TBC1D4: variants seen among roughly 807,000 people sequenced by gnomAD.
The protein encoded by TBC1D4 is TBC (Tre-2, BUB2, CDC16) domain-containing protein.
TBC1D4 carries 121 observed loss-of-function variants against 142.5 expected under a neutral mutation model. The observed-to-expected ratio is 0.85, with a 90% confidence interval of 0.73 to 0.99. The LOEUF is 0.99. TBC1D4 is among the 50% of genes least tolerant of loss of function. The probability of loss-of-function intolerance (pLI) is 0.00; values close to 1 mark genes in which losing one functional copy is unlikely to be tolerated. For synonymous variants in TBC1D4, 630 were observed against 628.2 expected, an observed-to-expected ratio of 1.00 and a Z score of -0.04; for missense variants, 1,475 against 1,606.6, an observed-to-expected ratio of 0.92 and a Z score of 1.40.
At chr13:75,418,165 A>C (rs1886000509) in intron 1 of TBC1D4, among the ~76,000 whole-genome samples, 1 of 152,246 alleles carries the variant, frequency 6.6e-6, no homozygotes, top group African/African-American at 2.4e-5. Flanking sequence ...TGATTCATTT[A>C]AAATTAAGGT....
chr13:75,398,609 G>C (rs1884922451), intron 1 of TBC1D4, among the ~76,000 whole-genome samples: 1 of 152,182 alleles, frequency 6.6e-6, no homozygotes. Flanking sequence ...AAGTATGGGA[G>C]AAGCAAGACA....
chr13:75,370,380 CA>C (rs1289483059), intron 1 of TBC1D4, among the ~76,000 whole-genome samples: 9 of 152,152 alleles, frequency 5.9e-5, no homozygotes, highest in African/African-American at 1.9e-4. Flanking sequence ...AAGTTGCTTT[CA>C]AAAGAACCCT....
chr13:75,368,097 C>A (rs946726266), intron 1 of TBC1D4, among the ~76,000 whole-genome samples: 42 of 152,148 alleles, frequency 2.8e-4, no homozygotes, highest in African/African-American at 9.9e-4. Flanking sequence ...CTAAATTATT[C>A]TTTAAAGCAA....
At chr13:75,405,888 A>C (rs1885315704) in intron 1 of TBC1D4, among the ~76,000 whole-genome samples, 1 of 152,190 alleles carries the variant, frequency 6.6e-6, no homozygotes, top group Admixed American at 6.5e-5. Flanking sequence ...ATAATCCTTC[A>C]CTTATCTTTT....
chr13:75,371,316 T>C (rs1055069951), intron 1 of TBC1D4, among the ~76,000 whole-genome samples: 1 of 152,104 alleles, frequency 6.6e-6, no homozygotes, highest in African/African-American at 2.4e-5. Flanking sequence ...GGGAAATCAA[T>C]GATTTCAAGA....
chr13:75,325,490 A>G (rs1879155709), intron 10 of TBC1D4, among the ~76,000 whole-genome samples: 1 of 152,294 alleles, frequency 6.6e-6, no homozygotes, highest in East Asian at 1.9e-4. Context: ...AAGAAGAGAA[A>G]CAAAATGAGT....
At chr13:75,340,684 T>C (rs569193847) in intron 7 of TBC1D4, among the ~76,000 whole-genome samples, 7 of 152,222 alleles carry the variant, frequency 4.6e-5, no homozygotes, top group African/African-American at 1.7e-4. Context: ...CAGTGGCTCA[T>C]GCCTGTAATC....
At chr13:75,478,072 G>C (rs1427267266) in intron 1 of TBC1D4, among the ~76,000 whole-genome samples, 11 of 152,136 alleles carry the variant, frequency 7.2e-5, no homozygotes, top group Admixed American at 7.2e-4. Flanking sequence ...ACATCACTGT[G>C]GCAACTCCCC....
intron 1 of TBC1D4, among the ~76,000 whole-genome samples, chr13:75,472,421 A>C (rs1372206200): frequency 6.6e-6 from 1 of 152,274 alleles, no homozygotes; most frequent in South Asian, 2.1e-4. Context: ...TCCGTCTCAG[A>C]GAAAAAAAAT....
At chr13:75,388,930 GGTTT>G (rs538721158) in intron 1 of TBC1D4, among the ~76,000 whole-genome samples, 115 of 152,268 alleles carry the variant, frequency 7.6e-4, no homozygotes, top group Non-Finnish European at 1.2e-3. Context: ...CCAGTTTATT[GGTTT>G]GTGTAGCCTT....
intron 5 of TBC1D4, among the ~76,000 whole-genome samples, chr13:75,348,954 A>AGAGAGT (rs969343152): frequency 1.6e-4 from 22 of 139,084 alleles, no homozygotes; most frequent in African/African-American, 6.1e-4. Flanking sequence ...AGAGAGAGAG[A>AGAGAGT]GTGTGTGTGT....
At chr13:75,357,442 C>G (rs56029947) in intron 3 of TBC1D4, among the ~76,000 whole-genome samples, 3,593 of 152,256 alleles carry the variant, frequency 0.024, 127 homozygotes, top group African/African-American at 0.074. Flanking sequence ...TCCTCATCTG[C>G]TTTCCTCTGG....
rs1250113499 is a variant in TBC1D4 at position 75,481,559 on chromosome 13, T to A, written c.209A>T (p.Glu70Val). The change falls in exon 1 of 21, where the codon GAG (glutamate) becomes GTG (valine). Residue 70 changes from glutamate (E) to valine (V), a missense_variant. Glu to Val is a moderately radical substitution (Grantham distance 121, BLOSUM62 -2). This residue lies in a region of TBC1D4 where 1,227 missense variants were observed against 1,267.7 expected (regional missense o/e 0.97). Transcript: ENST00000377636. ...CGCCGGCGCCCCGCAGCCGCCCGCC[T>A]CGGGCTTCTGGCTGCGCCTGCGGAT... ...AEIRRRSQKP[E>V]AGGCGAPAAR... 6.3e-7 allele frequency: 1 copy of A among 1,597,490 alleles called. No homozygotes were observed. The highest frequency in any genetic ancestry group is 8.5e-7 in the Non-Finnish European group (1 of 1,172,260).
At chr13:75,394,768 T>A (rs1042822814) in intron 1 of TBC1D4, among the ~76,000 whole-genome samples, 2 of 152,252 alleles carry the variant, frequency 1.3e-5, no homozygotes, top group African/African-American at 2.4e-5. Flanking sequence ...TTGGCAATGA[T>A]TCTGAGCACT....
chr13:75,481,206 C>CACCCCCCCCCAA, intron 1 of TBC1D4, 64 bp downstream of exon 1: 1 of 1,203,772 alleles, frequency 8.3e-7, no homozygotes, highest in Non-Finnish European at 1.2e-6. Flanking sequence ...CCCCGCCCCT[C>CACCCCCCCCCAA]CCGCCCTGCT....
At chr13:75,380,029 C>T (rs974769025) in intron 1 of TBC1D4, among the ~76,000 whole-genome samples, 6 of 150,948 alleles carry the variant, frequency 4.0e-5, no homozygotes, top group African/African-American at 1.2e-4. Context: ...CTTCAACCTC[C>T]GAAGTGTCCC....
chr13:75,431,634 A>G (rs77605504), intron 1 of TBC1D4, among the ~76,000 whole-genome samples: 260 of 152,308 alleles, frequency 1.7e-3, no homozygotes, highest in African/African-American at 6.1e-3. Flanking sequence ...AACTGTAATG[A>G]TGAAAAGTAA....
chr13:75,396,685 A>C (rs1884809451), intron 1 of TBC1D4, among the ~76,000 whole-genome samples: 1 of 152,164 alleles, frequency 6.6e-6, no homozygotes, highest in African/African-American at 2.4e-5. Context: ...AAAAAGAAAA[A>C]AACAATGATG....
chr13:75,401,758 A>C (rs918090223), intron 1 of TBC1D4, among the ~76,000 whole-genome samples: 4 of 152,210 alleles, frequency 2.6e-5, no homozygotes, highest in African/African-American at 9.6e-5. Flanking sequence ...AAAGGCAACA[A>C]GTTTTAACTA....
Sources: allele counts gnomAD v4.1 joint callset (sites outside exome capture counted in the v4.1 genomes callset), GRCh38; gene constraint gnomAD v4.1.1; regional missense constraint gnomAD v4.1.1; transcripts MANE v1.5; gene names NCBI Gene and HGNC (gene_info 2026-07-23, HGNC 2026-07-21).